DLC1: variants seen among roughly 807,000 people sequenced by gnomAD.
The protein encoded by DLC1 is rho GTPase-activating protein 7.
Under a neutral mutation model 140.3 loss-of-function variants are expected in DLC1, and 54 were observed. The observed-to-expected ratio is 0.38, with a 90% CI of 0.31 to 0.48. The LOEUF (loss-of-function observed/expected upper bound fraction) is 0.48, where lower values mean the gene tolerates loss of function less well. Ranked by LOEUF, DLC1 falls within the 20% of genes least tolerant of loss-of-function variation. DLC1 has a pLI of 0.96. For synonymous variants in DLC1, 986 were observed against 728.1 expected (o/e 1.35, Z -5.70); for missense variants, 2,536 against 1,907.0 (o/e 1.33, Z -6.14).
chr8:13,445,741 A>G (rs1223098947), intron 2 of DLC1, among the ~76,000 whole-genome samples: 4 of 152,226 alleles, frequency 2.6e-5, no homozygotes, highest in East Asian at 1.9e-4. Context: ...AAAGAAAAAC[A>G]AAACAAAAGT....
At chr8:13,577,295 G>A (rs994096112) in intron 1 of DLC1, among the ~76,000 whole-genome samples, 1 of 152,146 alleles carries the variant, frequency 6.6e-6, no homozygotes, top group African/African-American at 2.4e-5. Context: ...AACTTACCAA[G>A]CCTATTTTAC....
intron 1 of DLC1, among the ~76,000 whole-genome samples, chr8:13,577,889 G>A (rs1033044426): frequency 5.9e-5 from 9 of 151,932 alleles, no homozygotes; most frequent in Non-Finnish European, 8.8e-5. Flanking sequence ...TTGCTTTATT[G>A]GATTTAAGGA....
intron 5 of DLC1, chr8:13,276,637 C>G (rs1831184240): frequency 8.4e-7 from 1 of 1,194,666 alleles, no homozygotes; most frequent in Non-Finnish European, 1.0e-6. Flanking sequence ...GCGGGGCGCG[C>G]GAGCTGCAGC....
chr8:13,182,064 G>C (rs562058565), intron 5 of DLC1, among the ~76,000 whole-genome samples: 2 of 152,244 alleles, frequency 1.3e-5, no homozygotes, highest in East Asian at 1.9e-4. Flanking sequence ...TTGTGGTTTT[G>C]ATTTGCATTT....
intron 4 of DLC1, among the ~76,000 whole-genome samples, chr8:13,391,459 T>A: frequency 6.6e-6 from 1 of 152,222 alleles, no homozygotes; most frequent in East Asian, 1.9e-4. Flanking sequence ...GTTCAATAAT[T>A]GATTTAAATA....
chr8:13,426,585 T>A (rs1006287206), intron 2 of DLC1, among the ~76,000 whole-genome samples: 2 of 152,200 alleles, frequency 1.3e-5, no homozygotes, highest in Admixed American at 1.3e-4. Flanking sequence ...TCCCAGAATT[T>A]AAAGCTCAAG....
At chr8:13,487,733 C>T (rs1453843984) in intron 2 of DLC1, among the ~76,000 whole-genome samples, 4 of 151,882 alleles carry the variant, frequency 2.6e-5, no homozygotes, top group African/African-American at 4.8e-5. Context: ...CCACCATGTC[C>T]GGCTAATTTT....
At chr8:13,485,156 T>C (rs749404408) in intron 2 of DLC1, among the ~76,000 whole-genome samples, 1 of 152,184 alleles carries the variant, frequency 6.6e-6, no homozygotes, top group Non-Finnish European at 1.5e-5. Context: ...TTTCTTTTAA[T>C]AGCAGGGATT....
At chr8:13,391,433 A>C (rs1405771455) in intron 4 of DLC1, among the ~76,000 whole-genome samples, 4 of 152,212 alleles carry the variant, frequency 2.6e-5, no homozygotes, top group African/African-American at 9.6e-5. Flanking sequence ...TTTGGAGTAC[A>C]TACAAATATT....
At chr8:13,564,046 T>A (rs1804338079) in intron 1 of DLC1, among the ~76,000 whole-genome samples, 1 of 152,178 alleles carries the variant, frequency 6.6e-6, no homozygotes, top group African/African-American at 2.4e-5. Context: ...TTGCTTAAAA[T>A]CAGTATTTGT....
At chr8:13,552,610 T>C (rs1021289089) in intron 1 of DLC1, among the ~76,000 whole-genome samples, 2 of 151,578 alleles carry the variant, frequency 1.3e-5, no homozygotes, top group African/African-American at 4.8e-5. Context: ...CACTGTTCTA[T>C]ACTATGTACT....
chr8:13,121,278 G>A (rs540539240), intron 5 of DLC1, among the ~76,000 whole-genome samples: 2 of 152,210 alleles, frequency 1.3e-5, no homozygotes, highest in East Asian at 3.9e-4. Context: ...AAACCAAGAT[G>A]CATTCTCCTC....
chr8:13,202,809 G>C (rs539838229), intron 5 of DLC1, among the ~76,000 whole-genome samples: 1 of 152,082 alleles, frequency 6.6e-6, no homozygotes, highest in East Asian at 1.9e-4. Flanking sequence ...GAGTAGCTGG[G>C]ACTACAGGCA....
chr8:13,511,429 C>T (rs7006564), intron 1 of DLC1, among the ~76,000 whole-genome samples: 14 of 152,028 alleles, frequency 9.2e-5, no homozygotes, highest in African/African-American at 3.1e-4. Flanking sequence ...CCTCAAGGTC[C>T]TAGTTTATTC....
chr8:13,497,639 G>C (rs1801574104), intron 2 of DLC1, among the ~76,000 whole-genome samples: 1 of 152,158 alleles, frequency 6.6e-6, no homozygotes, highest in Non-Finnish European at 1.5e-5. Context: ...TGTTTCCATT[G>C]GCAGTTGGGT....
At chr8:13,213,356 A>AT (rs1828037522) in intron 5 of DLC1, among the ~76,000 whole-genome samples, 1 of 152,228 alleles carries the variant, frequency 6.6e-6, no homozygotes, top group African/African-American at 2.4e-5. Context: ...AATATATAGA[A>AT]ATAACAACAG....
At chr8:13,376,603 T>A (rs1245293605) in intron 4 of DLC1, among the ~76,000 whole-genome samples, 2 of 152,204 alleles carry the variant, frequency 1.3e-5, no homozygotes, top group African/African-American at 4.8e-5. Context: ...GGCAGGTGGG[T>A]AGCTCAGGAA....
chr8:13,383,399 T>C (rs955795095), intron 4 of DLC1, among the ~76,000 whole-genome samples: 1 of 152,188 alleles, frequency 6.6e-6, no homozygotes, highest in Non-Finnish European at 1.5e-5. Context: ...CCGGAGGGGC[T>C]GTGCTTGAGG....
At chr8:13,361,656 TA>T (rs1247323970) in intron 4 of DLC1, among the ~76,000 whole-genome samples, 1 of 152,156 alleles carries the variant, frequency 6.6e-6, no homozygotes, top group Non-Finnish European at 1.5e-5. Context: ...CTTTACATAT[TA>T]TTATTTCCTA....
Sources: gnomAD v4.1 joint callset for allele counts (sites outside exome capture counted in the v4.1 genomes callset) on GRCh38, gnomAD v4.1.1 for gene constraint, MANE v1.5 for transcripts, NCBI Gene and HGNC (gene_info 2026-07-23, HGNC 2026-07-21) for gene names.